CTIF: variants seen among roughly 807,000 people sequenced by gnomAD.
CTIF encodes CBP80/20-dependent translation initiation factor.
CTIF carries 21 observed loss-of-function variants against 66.0 expected under a neutral mutation model. The ratio of observed to expected loss-of-function variants is 0.32; its 90% confidence interval spans 0.23 to 0.46. The LOEUF is 0.46. Ranked by LOEUF, CTIF falls within the 20% of genes least tolerant of loss-of-function variation. CTIF has a pLI of 1.00. For missense variants in CTIF, 739 were observed against 812.7 expected (o/e 0.91, Z 1.10); for synonymous variants, 345 against 326.4 (o/e 1.06, Z -0.62).
At chr18:48,856,915 A>G (rs929058669) in intron 10 of CTIF, among the ~76,000 whole-genome samples, 1 of 152,266 alleles carries the variant, frequency 6.6e-6, no homozygotes, top group African/African-American at 2.4e-5. Context: ...TGTGAATGGT[A>G]TCTCAATTTA....
At chr18:48,781,662 C>G (rs551243046) in intron 9 of CTIF, among the ~76,000 whole-genome samples, 36 of 152,182 alleles carry the variant, frequency 2.4e-4, no homozygotes, top group African/African-American at 8.2e-4. Context: ...CGTGGCCCTC[C>G]CCTCTCCTCC....
At chr18:48,593,683 A>G (rs1447616778) in intron 1 of CTIF, among the ~76,000 whole-genome samples, 2 of 151,380 alleles carry the variant, frequency 1.3e-5, no homozygotes, top group African/African-American at 2.4e-5. Context: ...CACCCGGCCA[A>G]TTCGAATTCT....
At chr18:48,846,742 G>C (rs2069087196) in intron 10 of CTIF, among the ~76,000 whole-genome samples, 1 of 151,626 alleles carries the variant, frequency 6.6e-6, no homozygotes, top group South Asian at 2.1e-4. Context: ...TGGATGGATG[G>C]ATGAGTAGGT....
intron 9 of CTIF, among the ~76,000 whole-genome samples, chr18:48,806,044 G>A (rs2068140583): frequency 6.6e-6 from 1 of 152,180 alleles, no homozygotes; most frequent in Admixed American, 6.5e-5. Context: ...GAGGTGATCA[G>A]GGCTGGGAAG....
chr18:48,694,365 C>T (rs1367176806), intron 6 of CTIF, among the ~76,000 whole-genome samples: 1 of 152,246 alleles, frequency 6.6e-6, no homozygotes, highest in East Asian at 1.9e-4. Flanking sequence ...ATGAGAGCTG[C>T]CCTCAGTCAG....
intron 1 of CTIF, among the ~76,000 whole-genome samples, chr18:48,575,497 G>T (rs2089510559): frequency 6.6e-6 from 1 of 152,226 alleles, no homozygotes; most frequent in Admixed American, 6.5e-5. Flanking sequence ...GGGGTTTAAA[G>T]CTGACCCAGC....
intron 6 of CTIF, among the ~76,000 whole-genome samples, chr18:48,698,104 TAAAAAAAAAAAAAAAAAAAAAAAAA>T (rs527429582): frequency 3.8e-4 from 5 of 13,046 alleles, no homozygotes; most frequent in Admixed American, 1.8e-3. Flanking sequence ...TAGCCATCAT[TAAAAAAAAAAAAAAAAAAAAAAAAA>T]AAAAAAAAAA....
intron 4 of CTIF, among the ~76,000 whole-genome samples, chr18:48,664,104 T>A (rs2091394090): frequency 6.6e-6 from 1 of 152,124 alleles, no homozygotes; most frequent in South Asian, 2.1e-4. Context: ...GGCCGGGTCG[T>A]CACTTTGAGC....
chr18:48,677,959 C>G (rs1008257242), intron 6 of CTIF, among the ~76,000 whole-genome samples: 1 of 152,136 alleles, frequency 6.6e-6, no homozygotes, highest in Non-Finnish European at 1.5e-5. Flanking sequence ...AATGTTTATT[C>G]TATTATTATT....
Position 48,568,633 on chromosome 18 carries a change from TAAAAAAAAAAAAA to T in CTIF, c.-29+29344_-29+29356del, listed in dbSNP as rs58084631. Among the ~76,000 whole-genome samples the T allele has an allele frequency of 9.2e-3, 339 of 36,656 alleles. 2 individuals carry two copies. The highest frequency in any genetic ancestry group is 0.013 in the Non-Finnish European group (222 of 16,560). The allele number at this position is 36,656 out of a possible 152,430, so 24.0% of individuals were successfully genotyped here. On this transcript the variant is annotated intron_variant, in intron 1 of 11. Coordinates refer to ENST00000256413, the MANE Select transcript of CTIF (RefSeq NM_014772.3). ...GAAATACCTGAGACTGGGCAATTTG[TAAAAAAAAAAAAA>T]AAAAAAAAAAAAAAAAAAAAAAGAG...
intron 6 of CTIF, among the ~76,000 whole-genome samples, chr18:48,675,025 A>AAC (rs1367919014): frequency 2.1e-5 from 3 of 140,488 alleles, no homozygotes; most frequent in African/African-American, 7.8e-5. Context: ...GCTCTCTAAG[A>AAC]ACACTGATGG....
chr18:48,769,980 T>G (rs771262520), intron 9 of CTIF, among the ~76,000 whole-genome samples: 4 of 152,192 alleles, frequency 2.6e-5, no homozygotes, highest in Middle Eastern at 3.4e-3. Flanking sequence ...GACTGTTCAG[T>G]TTGGGTGGGG....
rs1454676176 is a variant in CTIF at position 48,862,576 on chromosome 18, A to AGTC, written c.*3018_*3020dup. ...TCTCTCTGTTCGTCCTTCCTTGACCAGTCTGTAAACCTTCACTGTTTGGGG... is the reference window on the plus strand; with the variant it reads ...TCTCTCTGTTCGTCCTTCCTTGACCAGTCGTCTGTAAACCTTCACTGTTTGGGG... On this transcript the variant is annotated 3_prime_UTR_variant, in exon 12 of 12. Transcript: ENST00000256413. 1 of 152,720 alleles carries AGTC rather than the reference A, an allele frequency of 6.5e-6. No homozygotes were observed. Among genetic ancestry groups the AGTC allele is most frequent in the Non-Finnish European group, 1.5e-5 (1 of 68,092 alleles). 9.5% of individuals were successfully genotyped at this position (152,720 alleles called of 1,614,324 possible).
intron 9 of CTIF, among the ~76,000 whole-genome samples, chr18:48,771,782 G>T (rs569621168): frequency 1.3e-5 from 2 of 152,328 alleles, no homozygotes; most frequent in East Asian, 3.9e-4. Context: ...GGAGACAGCA[G>T]ATCCTTCCCC....
chr18:48,544,814 GC>G (rs2088707383), intron 1 of CTIF, among the ~76,000 whole-genome samples: 1 of 152,350 alleles, frequency 6.6e-6, no homozygotes, highest in East Asian at 1.9e-4. Flanking sequence ...TAGTTGTCGG[GC>G]TGCTTTTCTA....
At chr18:48,576,738 G>A (rs2089541409) in intron 1 of CTIF, among the ~76,000 whole-genome samples, 1 of 152,216 alleles carries the variant, frequency 6.6e-6, no homozygotes, top group African/African-American at 2.4e-5. Flanking sequence ...AGGACGCAGG[G>A]AGGATTCGGT....
chr18:48,846,497 A>AGACG (rs2069076905), intron 10 of CTIF, among the ~76,000 whole-genome samples: 1 of 136,792 alleles, frequency 7.3e-6, no homozygotes, highest in Non-Finnish European at 1.5e-5. Flanking sequence ...ATGAAAGGAT[A>AGACG]GATGGATGGA....
chr18:48,664,444 T>C lies in CTIF; in HGVS notation c.327-3T>C, dbSNP rs2091400339. ...CCGTTTCTCACCCTCCCTCGCCCTCTAGTGGTGCCACCTGGGACCTGCAGC... is the reference window on the plus strand; with the variant it reads ...CCGTTTCTCACCCTCCCTCGCCCTCCAGTGGTGCCACCTGGGACCTGCAGC... On this transcript the variant is annotated splice_polypyrimidine_tract_variant and splice_region_variant and intron_variant, in intron 4 of 11. Transcript: ENST00000256413. 6.2e-7 allele frequency: 1 copy of C among 1,612,864 alleles called. No homozygotes were observed. Among genetic ancestry groups the C allele is most frequent in the African/African-American group, 1.3e-5 (1 of 74,908 alleles).
intron 1 of CTIF, among the ~76,000 whole-genome samples, chr18:48,543,012 C>T (rs1419331116): frequency 6.6e-6 from 1 of 152,200 alleles, no homozygotes; most frequent in Non-Finnish European, 1.5e-5. Context: ...TCACTCAGGC[C>T]CTGCCTGGGT....
Sources: gnomAD v4.1 joint callset for allele counts (sites outside exome capture counted in the v4.1 genomes callset) on GRCh38, gnomAD v4.1.1 for gene constraint, MANE v1.5 for transcripts, NCBI Gene and HGNC (gene_info 2026-07-23, HGNC 2026-07-21) for gene names.